SORCS3: variants seen among roughly 807,000 people sequenced by gnomAD.
SORCS3 encodes sortilin related VPS10 domain containing receptor 3.
A neutral mutation model predicts 146.3 loss-of-function variants in SORCS3; 57 were observed. The ratio of observed to expected loss-of-function variants is 0.39; its 90% CI spans 0.31 to 0.49. The LOEUF (loss-of-function observed/expected upper bound fraction) is 0.49, where lower values mean the gene tolerates loss of function less well. Ranked by LOEUF, SORCS3 falls within the 20% of genes least tolerant of loss-of-function variation. The pLI is 0.92. For missense variants in SORCS3, 1,341 were observed against 1,575.5 expected (o/e 0.85, Z 2.52); for synonymous variants, 653 against 618.5 (o/e 1.06, Z -0.83).
At chr10:104,887,600 G>A (rs2018702226) in intron 2 of SORCS3, among the ~76,000 whole-genome samples, 1 of 152,206 alleles carries the variant, frequency 6.6e-6, no homozygotes, top group South Asian at 2.1e-4. Context: ...GTCACTCTGG[G>A]TCAGGTTGTT....
At chr10:104,706,059 G>A (rs1275950738) in intron 1 of SORCS3, among the ~76,000 whole-genome samples, 3 of 152,132 alleles carry the variant, frequency 2.0e-5, no homozygotes, top group African/African-American at 7.2e-5. Context: ...TTGCTGACGA[G>A]TGAGTATGAA....
At chr10:105,127,202 C>T (rs1247232917) in intron 7 of SORCS3, among the ~76,000 whole-genome samples, 1 of 152,054 alleles carries the variant, frequency 6.6e-6, no homozygotes, top group African/African-American at 2.4e-5. Context: ...ACTCTGCTTC[C>T]CTGTTTCCTG....
intron 2 of SORCS3, among the ~76,000 whole-genome samples, chr10:104,861,872 C>G (rs935125807): frequency 1.3e-5 from 2 of 152,158 alleles, no homozygotes; most frequent in Admixed American, 6.5e-5. Flanking sequence ...GCATCTCCCC[C>G]AGCTCCTGGT....
chr10:104,929,767 G>A (rs2019188638), intron 3 of SORCS3, among the ~76,000 whole-genome samples: 1 of 152,212 alleles, frequency 6.6e-6, no homozygotes, highest in African/African-American at 2.4e-5. Context: ...CCCACCCATG[G>A]ACCATGCTAA....
At chr10:105,056,174 G>C (rs2133714344) in intron 5 of SORCS3, among the ~76,000 whole-genome samples, 1 of 152,344 alleles carries the variant, frequency 6.6e-6, no homozygotes, top group East Asian at 1.9e-4. Flanking sequence ...TTGGATCAAA[G>C]CTGAGGTCAT....
chr10:105,069,324 A>T (rs1277674369), intron 5 of SORCS3, among the ~76,000 whole-genome samples: 1 of 152,224 alleles, frequency 6.6e-6, no homozygotes, highest in Non-Finnish European at 1.5e-5. Flanking sequence ...AAACTTTTGA[A>T]ACTCCCTGAA....
intron 1 of SORCS3, among the ~76,000 whole-genome samples, chr10:104,707,530 C>G (rs76201499): frequency 3.3e-5 from 5 of 151,990 alleles, no homozygotes; most frequent in African/African-American, 1.2e-4. Flanking sequence ...GGGGAATCAA[C>G]GAAGTAGATT....
chr10:105,014,011 G>A (rs190351422), intron 4 of SORCS3, among the ~76,000 whole-genome samples: 1 of 142,364 alleles, frequency 7.0e-6, no homozygotes, highest in African/African-American at 2.6e-5. Context: ...ACACACACAG[G>A]CATGGGAAAA....
chr10:104,936,025 C>A (rs1186150434), intron 3 of SORCS3, among the ~76,000 whole-genome samples: 1 of 152,052 alleles, frequency 6.6e-6, no homozygotes, highest in Non-Finnish European at 1.5e-5. Context: ...AGGGCGAAGG[C>A]TGGATTTAAG....
chr10:104,792,987 G>A (rs1462490911), intron 1 of SORCS3, among the ~76,000 whole-genome samples: 2 of 152,182 alleles, frequency 1.3e-5, no homozygotes, highest in Non-Finnish European at 2.9e-5. Flanking sequence ...CAAAGAAGGA[G>A]AGGAGCCTTG....
At position 104,746,699 on chromosome 10, in the gene SORCS3, C is replaced by T. The variant is rs1589483068; in HGVS notation, c.628-96093C>T. On this transcript the variant is annotated intron_variant, in intron 1 of 26. Transcript: ENST00000369701. ...TCCCCCAGGTTCTGTAACCCTCATT[C>T]TACTCTCTGTTTCTATGAGCTCAAC... 3.3e-5 allele frequency among the ~76,000 whole-genome samples: 5 copies of T among 152,292 alleles called. No homozygotes were observed. In the South Asian group the frequency reaches 1.0e-3, roughly 32 times the overall value.
chr10:105,091,618 G>T (rs61867243), intron 6 of SORCS3, among the ~76,000 whole-genome samples: 444 of 150,318 alleles, frequency 3.0e-3, no homozygotes, highest in Admixed American at 5.7e-3. Context: ...GATGTAAATC[G>T]GTGAGACAGC....
intron 20 of SORCS3, among the ~76,000 whole-genome samples, chr10:105,230,170 C>T (rs887018571): frequency 7.2e-5 from 11 of 151,926 alleles, no homozygotes; most frequent in Non-Finnish European, 1.0e-4. Context: ...AGTGTGATCC[C>T]GAGACCCTTG....
intron 2 of SORCS3, among the ~76,000 whole-genome samples, chr10:104,876,512 G>A (rs1361778289): frequency 2.0e-5 from 3 of 152,218 alleles, no homozygotes; most frequent in Non-Finnish European, 2.9e-5. Flanking sequence ...GATCCTTCCA[G>A]AAAATAGTAA....
chr10:105,228,363 T>C (rs1413720575), intron 20 of SORCS3, among the ~76,000 whole-genome samples: 1 of 151,762 alleles, frequency 6.6e-6, no homozygotes, highest in East Asian at 1.9e-4. Context: ...TCCCTTTCTT[T>C]CTTTCTCTCT....
chr10:104,952,504 G>T (rs767592614), intron 3 of SORCS3, among the ~76,000 whole-genome samples: 1 of 152,016 alleles, frequency 6.6e-6, no homozygotes, highest in East Asian at 1.9e-4. Context: ...CGCATTACTC[G>T]AAATTATGTA....
chr10:104,772,927 G>A (rs1277739693), intron 1 of SORCS3, among the ~76,000 whole-genome samples: 1 of 152,236 alleles, frequency 6.6e-6, no homozygotes, highest in African/African-American at 2.4e-5. Context: ...CCTGACCTCT[G>A]CCTTATGGTT....
intron 1 of SORCS3, among the ~76,000 whole-genome samples, chr10:104,648,960 C>G (rs1272957057): frequency 6.6e-6 from 1 of 151,806 alleles, no homozygotes; most frequent in Non-Finnish European, 1.5e-5. Context: ...AAAACTGTGC[C>G]CTTGGCTAAG....
intron 20 of SORCS3, among the ~76,000 whole-genome samples, chr10:105,235,783 T>G (rs977886497): frequency 6.6e-6 from 1 of 152,018 alleles, no homozygotes; most frequent in Non-Finnish European, 1.5e-5. Flanking sequence ...TTTCTAGAAC[T>G]GCTACTTCTT....
Sources: allele counts gnomAD v4.1 joint callset (sites outside exome capture counted in the v4.1 genomes callset), GRCh38; gene constraint gnomAD v4.1.1; transcripts MANE v1.5; gene names NCBI Gene and HGNC (gene_info 2026-07-23, HGNC 2026-07-21).